Variants in CYTH2 observed in about 807,000 individuals in gnomAD.
CYTH2 encodes the protein cytohesin 2.
CYTH2 carries 24 observed loss-of-function variants against 55.4 expected under a neutral mutation model. The observed-to-expected ratio is 0.43, with a 90% CI of 0.31 to 0.61. The LOEUF is 0.61. CYTH2 is among the 20% of genes least tolerant of loss of function. The pLI, the probability that CYTH2 is intolerant of heterozygous loss-of-function variation, is 0.08. For synonymous variants in CYTH2, 221 were observed against 209.6 expected (o/e 1.05, Z -0.47); for missense variants, 378 against 533.5 (o/e 0.71, Z 2.87).
chr19:48,477,778 G>A (rs1971947271), intron 8 of CYTH2: 2 of 452,412 alleles, frequency 4.4e-6, no homozygotes, highest in Non-Finnish European at 7.9e-6. Context: ...GGCTGCCCTG[G>A]CGCCCTGGCG....
At position 48,472,683 on chromosome 19, in the gene CYTH2, G is replaced by A. The variant is rs980645886; in HGVS notation, c.353+240G>A. The A allele has an allele frequency of 1.6e-5, 9 of 565,556 alleles. No homozygotes were observed. The African/African-American group carries it at 1.7e-4, about 11-fold the overall frequency. The allele number at this position is 565,556 out of a possible 1,614,324, so 35.0% of individuals were successfully genotyped here. ...TTCTGGAATTACCTGGCAGTTGTGGGGAAGCATCCATTTATGTCTGAGAAG... is the reference window on the plus strand; with the variant it reads ...TTCTGGAATTACCTGGCAGTTGTGGAGAAGCATCCATTTATGTCTGAGAAG... On this transcript the variant is annotated intron_variant, in intron 4 of 11. Coordinates refer to ENST00000452733, the MANE Select transcript of CYTH2 (RefSeq NM_004228.7).
intron 8 of CYTH2, 113 bp downstream of exon 8, chr19:48,475,062 C>A: frequency 2.2e-6 from 2 of 895,020 alleles, no homozygotes; most frequent in Non-Finnish European, 3.4e-6. Flanking sequence ...AATGATTCGA[C>A]CTCTCTGAAC....
At position 48,478,612 on chromosome 19, in the gene CYTH2, C is replaced by T. The variant is rs11882635; in HGVS notation, c.1112+20C>T. On this transcript the variant is annotated intron_variant, in intron 11 of 11. Transcript: ENST00000452733. Reference sequence around the variant, plus strand: ...CATCCAGTGAGCCTGGACTCCTGGGCCTGATGGAGGAGGGGCTGGGGCCTG... The same window carrying T: ...CATCCAGTGAGCCTGGACTCCTGGGTCTGATGGAGGAGGGGCTGGGGCCTG... 26,156 of 1,528,906 alleles carry T rather than the reference C, an allele frequency of 0.017. 2,604 individuals carry two copies. In the African/African-American group the frequency reaches 0.28, roughly 16 times the overall value. 94.7% of individuals were successfully genotyped at this position (1,528,906 alleles called of 1,614,324 possible).
At position 48,474,692 on chromosome 19, in the gene CYTH2, C is replaced by T; in HGVS notation, c.697-146C>T. ...GCCACCTCAGCCTCCCTCCACTTCT[C>T]TGCCTTTCACTTCCCTCTCCTCCCC... On this transcript the variant is annotated intron_variant, in intron 7 of 11. Coordinates refer to ENST00000452733, the MANE Select transcript of CYTH2 (RefSeq NM_004228.7). This position sits in a 1 kb window ranked among gnomAD's most constrained non-coding sequence, Gnocchi z 4.9. 2.9e-6 allele frequency: 2 copies of T among 695,906 alleles called. No homozygotes were observed. Among genetic ancestry groups the T allele is most frequent in the East Asian group, 2.8e-5 (1 of 36,226 alleles). The allele number at this position is 695,906 out of a possible 1,614,324, so 43.1% of individuals were successfully genotyped here. A position where few individuals can be genotyped will look rare whatever the true frequency, so the allele number is the denominator to read the frequency against.
chr19:48,479,118 T>C lies in CYTH2; in HGVS notation c.1113-5T>C. The C allele has an allele frequency of 1.2e-6, 2 of 1,613,986 alleles. No homozygotes were observed. Among genetic ancestry groups the C allele is most frequent in the Non-Finnish European group, 1.7e-6 (2 of 1,179,930 alleles). ...CCTCATCCTGGGACCCCTCCCCTTC[T>C]GCAGGGCGGCTGTGAGTGTGGACCC... On this transcript the variant is annotated splice_region_variant and splice_polypyrimidine_tract_variant and intron_variant, in intron 11 of 11. Transcript: ENST00000452733.
chr19:48,477,938 C>T (rs772423609), intron 8 of CYTH2, 131 bp from the exon 9 acceptor site: 46 of 664,176 alleles, frequency 6.9e-5, no homozygotes, highest in East Asian at 1.9e-4. Flanking sequence ...TCTCCCCCAA[C>T]GCAGCGGCTT....
In CYTH2 at chr19:48,474,917, A is replaced by G; in HGVS notation, c.776A>G (p.Asn259Ser). The change falls in exon 8 of 12, where the codon AAC becomes AGC. Residue 259 changes from asparagine (N) to serine (S), a missense_variant. Asn to Ser is a conservative substitution (Grantham distance 46). Transcript: ENST00000452733. The surrounding 1 kb of genome is among the most constrained non-coding windows in gnomAD (Gnocchi z 4.9). ...DGNDLTHTFF[N>S]PDREGWLLKL... ...AATGACCTGACCCACACCTTCTTCA[A>G]CCCGGACCGGGAGGGCTGGCTCCTG... The G allele has an allele frequency of 6.2e-7, 1 of 1,613,900 alleles. No homozygotes were observed. The highest frequency in any genetic ancestry group is 8.5e-7 in the Non-Finnish European group (1 of 1,179,958).
chr19:48,473,178 C>A, intron 4 of CYTH2, 120 bp from the exon 5 acceptor site: 2 of 1,083,730 alleles, frequency 1.8e-6, no homozygotes, highest in Non-Finnish European at 2.8e-6. Context: ...GGAAACTTCA[C>A]CCTCGGCAGT....
At chr19:48,475,561 GTCTTCGTC>G (rs2147509269) in intron 8 of CYTH2, 2 of 155,706 alleles carry the variant, frequency 1.3e-5, no homozygotes, top group South Asian at 3.9e-4. Flanking sequence ...GGAGGGGGGA[GTCTTCGTC>G]ATAACACGTG....
chr19:48,474,430 C>T lies in CYTH2; in HGVS notation c.696+100C>T, dbSNP rs1435346176. The T allele has an allele frequency of 4.6e-6, 6 of 1,307,936 alleles. No homozygotes were observed. Among genetic ancestry groups the T allele is most frequent in the East Asian group, 5.0e-5 (2 of 40,036 alleles). 81.0% of individuals were successfully genotyped at this position (1,307,936 alleles called of 1,614,324 possible). Reference sequence around the variant, plus strand: ...CTAGTGCCCAAGCTGTCTGCCCTCACCCCCAAGATGGTGCGATCATGCCAA... The same window carrying T: ...CTAGTGCCCAAGCTGTCTGCCCTCATCCCCAAGATGGTGCGATCATGCCAA... On this transcript the variant is annotated intron_variant, in intron 7 of 11. Coordinates refer to ENST00000452733, the MANE Select transcript of CYTH2 (RefSeq NM_004228.7). This position sits in a 1 kb window ranked among gnomAD's most constrained non-coding sequence, Gnocchi z 4.9.
intron 1 of CYTH2, chr19:48,470,052 C>T (rs546628342): frequency 6.1e-5 from 38 of 621,944 alleles, no homozygotes; most frequent in Non-Finnish European, 1.0e-4. Context: ...AAGTAATGGA[C>T]CTAGAAGCCG....
In CYTH2 at chr19:48,474,792, G is replaced by A; in HGVS notation, c.697-46G>A. On this transcript the variant is annotated intron_variant, in intron 7 of 11. Transcript: ENST00000452733. This position sits in a 1 kb window ranked among gnomAD's most constrained non-coding sequence, Gnocchi z 4.9. ...TGCCCCCCACCCTGAGTAACCCTGG[G>A]GGGCCCCAGGGGGCTCGAATGGCTA... 6.3e-7 allele frequency: 1 copy of A among 1,599,202 alleles called. No homozygotes were observed. The highest frequency in any genetic ancestry group is 8.6e-7 in the Non-Finnish European group (1 of 1,167,918).
In CYTH2 at chr19:48,474,159, A is replaced by T; in HGVS notation, c.548-23A>T. 1.3e-6 allele frequency: 2 copies of T among 1,563,424 alleles called. No homozygotes were observed. The highest frequency in any genetic ancestry group is 1.7e-6 in the Non-Finnish European group (2 of 1,153,292). The stretch of plus-strand genomic sequence containing the variant: ...TGGGGACTGACATGCCTGGGTCGTC[A>T]CCACCTGCCCTGTCCGGTGCAGACA... On this transcript the variant is annotated intron_variant, in intron 6 of 11. Transcript: ENST00000452733. This position sits in a 1 kb window ranked among gnomAD's most constrained non-coding sequence, Gnocchi z 4.9.
chr19:48,472,618 G>A (rs1295991111), intron 4 of CYTH2, 175 bp downstream of exon 4: 13 of 678,418 alleles, frequency 1.9e-5, no homozygotes, highest in South Asian at 1.3e-4. Flanking sequence ...TGGGCTAGGG[G>A]AGCCTGCGGC....
chr19:48,478,248 T>C (rs1226970522), intron 9 of CYTH2, 27 bp from the exon 10 acceptor site: 1 of 1,612,328 alleles, frequency 6.2e-7, no homozygotes, highest in East Asian at 2.2e-5. Flanking sequence ...CTTGGAAGTC[T>C]GAGTTCTGTC....
In CYTH2 at chr19:48,474,581, C is replaced by T. The variant is rs936122830; in HGVS notation, c.696+251C>T. ...TCTGGCTGTTGGGCTTTCCGGCCCT[C>T]GATTGGCCTCATTCCCCATCTGTCT... On this transcript the variant is annotated intron_variant, in intron 7 of 11. Transcript: ENST00000452733. The surrounding 1 kb of genome is among the most constrained non-coding windows in gnomAD (Gnocchi z 4.9). Among the ~76,000 whole-genome samples, 5 of 152,158 alleles carry T rather than the reference C, an allele frequency of 3.3e-5. No homozygotes were observed. The highest frequency in any genetic ancestry group is 1.9e-4 in the East Asian group (1 of 5,190).
intron 5 of CYTH2, 56 bp downstream of exon 5, chr19:48,473,434 A>G: frequency 6.4e-7 from 1 of 1,558,400 alleles, no homozygotes; most frequent in Non-Finnish European, 8.8e-7. Context: ...GGGCCTTCCT[A>G]GTTACAAGTG....
Position 48,480,527 on chromosome 19 carries a change from T to C in CYTH2, c.*1317T>C, listed in dbSNP as rs1428933105. On this transcript the variant is annotated 3_prime_UTR_variant, in exon 12 of 12. Transcript: ENST00000452733. ...TCCGCGGGAAGGTGGACTACAGTTA[T>C]CGGCAGGCTGTGCGGCGCCAAAGCC... 6.6e-6 allele frequency: 1 copy of C among 152,176 alleles called. No individual in the cohort carries two copies. The highest frequency in any genetic ancestry group is 1.5e-5 in the Non-Finnish European group (1 of 68,026). 9.4% of individuals were successfully genotyped at this position (152,176 alleles called of 1,614,324 possible).
chr19:48,469,782 G>A lies in CYTH2; in HGVS notation c.19+256G>A, dbSNP rs920917734. The A allele has an allele frequency of 2.0e-5, 13 of 647,504 alleles. No homozygotes were observed. In the African/African-American group the frequency reaches 2.0e-4, roughly 10 times the overall value. The allele number at this position is 647,504 out of a possible 1,614,324, so 40.1% of individuals were successfully genotyped here. On this transcript the variant is annotated intron_variant, in intron 1 of 11. Transcript: ENST00000452733. ...GGGATGGAGTGGTGGAGGCGAGGCC[G>A]GGGCGGAACCATTCCCGCTGGAGGG...
Sources: allele counts gnomAD v4.1 joint callset (sites outside exome capture counted in the v4.1 genomes callset), GRCh38; gene constraint gnomAD v4.1.1; non-coding constraint Gnocchi (gnomAD v3.1); transcripts MANE v1.5; gene names NCBI Gene and HGNC (gene_info 2026-07-23, HGNC 2026-07-21).